Variants in FAF2 observed in about 807,000 individuals in gnomAD.
FAF2 encodes the protein Fas associated factor family member 2.
A neutral mutation model predicts 62.3 loss-of-function variants in FAF2; 9 were observed. The ratio of observed to expected loss-of-function variants is 0.14; its 90% confidence interval spans 0.09 to 0.25. The LOEUF (loss-of-function observed/expected upper bound fraction) is 0.25. FAF2 is among the 10% of genes least tolerant of loss of function. The probability of loss-of-function intolerance (pLI) is 1.00; values close to 1 mark genes in which losing one functional copy is unlikely to be tolerated. For synonymous variants in FAF2, 202 were observed against 198.0 expected (o/e 1.02, Z -0.17); for missense variants, 368 against 556.2 (o/e 0.66, Z 3.40).
rs139870418 is a variant in FAF2 at position 176,507,071 on chromosome 5, A to T, written c.*121A>T. ...AAATTCATATTATTATTATTATTATAATACAATATTTTTTTTAAAAGACTG... is the reference window on the plus strand; with the variant it reads ...AAATTCATATTATTATTATTATTATTATACAATATTTTTTTTAAAAGACTG... On this transcript the variant is annotated 3_prime_UTR_variant, in exon 11 of 11. Transcript: ENST00000261942. 129 of 556,310 alleles carry T rather than the reference A, an allele frequency of 2.3e-4. No homozygotes were observed. Among genetic ancestry groups the T allele is most frequent in the Non-Finnish European group, 2.6e-4 (101 of 391,332 alleles). 34.5% of individuals were successfully genotyped at this position (556,310 alleles called of 1,614,324 possible).
chr5:176,450,542 T>A (rs1758144037), intron 1 of FAF2, among the ~76,000 whole-genome samples: 1 of 152,040 alleles, frequency 6.6e-6, no homozygotes. Context: ...CTCCATTTTA[T>A]CTTCTGTGGA....
In FAF2 at chr5:176,486,268, G is replaced by A; in HGVS notation, c.133-87G>A. 4 of 1,530,758 alleles carry A rather than the reference G, an allele frequency of 2.6e-6. No individual in the cohort carries two copies. In the South Asian group the frequency reaches 4.8e-5, roughly 19 times the overall value. The allele number at this position is 1,530,758 out of a possible 1,614,324, so 94.8% of individuals were successfully genotyped here. ...GGTGTATTCATGACCATCCTGTTTTGGAATACCACGCAATAGTTGCCTCAC... is the reference window on the plus strand; with the variant it reads ...GGTGTATTCATGACCATCCTGTTTTAGAATACCACGCAATAGTTGCCTCAC... On this transcript the variant is annotated intron_variant, in intron 2 of 10. Transcript: ENST00000261942.
At chr5:176,499,174 G>A (rs1363807076) in intron 9 of FAF2, 89 bp downstream of exon 9, 1 of 1,251,038 alleles carries the variant, frequency 8.0e-7, no homozygotes, top group East Asian at 2.6e-5. Flanking sequence ...AAAAATGATA[G>A]CCACCTTAAA....
chr5:176,494,571 T>C lies in FAF2; in HGVS notation c.661+296T>C, dbSNP rs1257050201. 6.6e-6 allele frequency among the ~76,000 whole-genome samples: 1 copy of C among 152,184 alleles called. No homozygotes were observed. The highest frequency in any genetic ancestry group is 1.9e-4 in the East Asian group (1 of 5,200). On this transcript the variant is annotated intron_variant, in intron 7 of 10. Coordinates refer to ENST00000261942, the MANE Select transcript of FAF2 (RefSeq NM_014613.3). The surrounding 1 kb of genome is among the most constrained non-coding windows in gnomAD (Gnocchi z 4.0). ...TATTTAATTAATTAAAAAAATTTTT[T>C]TGAGATGGAGTCTTGCTCTGTCGCC...
At chr5:176,468,896 A>T (rs377399228) in intron 1 of FAF2, among the ~76,000 whole-genome samples, 1 of 152,110 alleles carries the variant, frequency 6.6e-6, no homozygotes, top group Admixed American at 6.6e-5. Context: ...GTGAGCTATG[A>T]TCATGCTACT....
chr5:176,479,381 A>G (rs775060907), intron 2 of FAF2, 125 bp downstream of exon 2: 2 of 765,072 alleles, frequency 2.6e-6, no homozygotes, highest in Non-Finnish European at 4.4e-6. Flanking sequence ...CTCTAAAAAT[A>G]AAAGTGCAGG....
intron 1 of FAF2, among the ~76,000 whole-genome samples, chr5:176,475,242 TAG>T (rs1015948743): frequency 1.2e-4 from 19 of 152,062 alleles, no homozygotes; most frequent in Non-Finnish European, 2.6e-4. Context: ...TGATCCTGAA[TAG>T]ATGATCCTTC....
At chr5:176,490,820 C>G (rs569073553) in intron 4 of FAF2, among the ~76,000 whole-genome samples, 1 of 140,126 alleles carries the variant, frequency 7.1e-6, no homozygotes, top group South Asian at 2.3e-4. Flanking sequence ...TTGTGTAGAT[C>G]GTGGGAATAT....
chr5:176,478,191 A>C (rs1758734963), intron 1 of FAF2, among the ~76,000 whole-genome samples: 3 of 152,196 alleles, frequency 2.0e-5, no homozygotes, highest in Non-Finnish European at 4.4e-5. Context: ...ATAGTGAGAA[A>C]ATACTGTAAC....
intron 8 of FAF2, among the ~76,000 whole-genome samples, chr5:176,497,538 T>A (rs896679244): frequency 6.6e-6 from 1 of 152,210 alleles, no homozygotes; most frequent in African/African-American, 2.4e-5. Flanking sequence ...TGCCACATTT[T>A]AAAAATTACT....
chr5:176,482,329 T>G (rs1474436491), intron 2 of FAF2, among the ~76,000 whole-genome samples: 3 of 151,832 alleles, frequency 2.0e-5, no homozygotes, highest in Non-Finnish European at 4.4e-5. Context: ...ATAATTTTCC[T>G]GCCTCAGCCT....
chr5:176,472,204 C>T (rs1419559551), intron 1 of FAF2, among the ~76,000 whole-genome samples: 1 of 151,836 alleles, frequency 6.6e-6, no homozygotes, highest in African/African-American at 2.4e-5. Context: ...TATCTCAGCT[C>T]ACTGCTTTCT....
At chr5:176,464,887 A>T (rs1294489974) in intron 1 of FAF2, among the ~76,000 whole-genome samples, 1 of 151,930 alleles carries the variant, frequency 6.6e-6, no homozygotes, top group African/African-American at 2.4e-5. Context: ...GGTATTTGAT[A>T]GGCACTTTCT....
intron 3 of FAF2, among the ~76,000 whole-genome samples, chr5:176,488,112 G>A (rs1758905745): frequency 6.6e-6 from 1 of 152,148 alleles, no homozygotes. Flanking sequence ...CAAATTGCTG[G>A]GAGTACAAGT....
rs999266925 is a variant in FAF2, at chr5:176,507,379, C to T, written c.*429C>T. On this transcript the variant is annotated 3_prime_UTR_variant, in exon 11 of 11. Coordinates refer to ENST00000261942, the MANE Select transcript of FAF2 (RefSeq NM_014613.3). Reference sequence around the variant, plus strand: ...ACTTGCAGCATCTCCTGAGGACTTGCTTCTCCTGCCTCTGGGGAAGAGAGG... The same window carrying T: ...ACTTGCAGCATCTCCTGAGGACTTGTTTCTCCTGCCTCTGGGGAAGAGAGG... 6.7e-6 allele frequency: 3 copies of T among 447,164 alleles called. No individual in the cohort carries two copies. The highest frequency in any genetic ancestry group is 2.0e-5 in the African/African-American group (1 of 49,758). The allele number at this position is 447,164 out of a possible 1,614,324, so 27.7% of individuals were successfully genotyped here.
chr5:176,488,415 G>A (rs992447860), intron 3 of FAF2, among the ~76,000 whole-genome samples: 5 of 152,098 alleles, frequency 3.3e-5, no homozygotes, highest in African/African-American at 7.2e-5. Flanking sequence ...GGCAGTTTTG[G>A]TTTTTATTTG....
intron 3 of FAF2, among the ~76,000 whole-genome samples, chr5:176,488,588 A>G (rs138793148): frequency 4.9e-4 from 75 of 151,746 alleles, no homozygotes; most frequent in Middle Eastern, 3.4e-3. Context: ...ATGCCTGGCT[A>G]ATTTTTGTAT....
rs766524821 is a variant in FAF2 at position 176,494,247 on chromosome 5, C to T, written c.633C>T (p.Cys211=). 1 of 1,613,978 alleles carries T rather than the reference C, an allele frequency of 6.2e-7. No individual in the cohort carries two copies. Among genetic ancestry groups the T allele is most frequent in the Non-Finnish European group, 8.5e-7 (1 of 1,179,926 alleles). Residue 211 remains cysteine, a synonymous_variant, in exon 7 of 11, where the codon TGC becomes TGT. Coordinates refer to ENST00000261942, the MANE Select transcript of FAF2 (RefSeq NM_014613.3). The surrounding 1 kb of genome is among the most constrained non-coding windows in gnomAD (Gnocchi z 4.0). ...LINTRMLFWA[C]STNKPEGYRV... ...ACACTAGGATGCTCTTCTGGGCATG[C>T]TCTACAAACAAACCTGAGGGATACA...
At chr5:176,492,865 A>G (rs1758997705) in intron 5 of FAF2, among the ~76,000 whole-genome samples, 1 of 152,224 alleles carries the variant, frequency 6.6e-6, no homozygotes. Flanking sequence ...AATCTCTGCT[A>G]CCAGACTGAA....
Sources: gnomAD v4.1 joint callset for allele counts (sites outside exome capture counted in the v4.1 genomes callset) on GRCh38, gnomAD v4.1.1 for gene constraint, Gnocchi (gnomAD v3.1) non-coding constraint, MANE v1.5 for transcripts, NCBI Gene and HGNC (gene_info 2026-07-23, HGNC 2026-07-21) for gene names.